ESR1: variants seen among roughly 807,000 people sequenced by gnomAD.
The protein encoded by ESR1 is estrogen receptor.
Under a neutral mutation model 52.7 loss-of-function variants are expected in ESR1, and 12 were observed. The ratio of observed to expected loss-of-function variants is 0.23; its 90% CI spans 0.15 to 0.37. The LOEUF is 0.37. ESR1 is among the 10% of genes least tolerant of loss of function. The pLI is 1.00. For synonymous variants in ESR1, 305 were observed against 316.8 expected (o/e 0.96, Z 0.39); for missense variants, 584 against 779.7 (o/e 0.75, Z 2.99).
chr6:151,748,566 A>G (rs929258625), intron 2 of ESR1, among the ~76,000 whole-genome samples: 1 of 152,160 alleles, frequency 6.6e-6, no homozygotes, highest in East Asian at 1.9e-4. Context: ...ATTGTTCTTG[A>G]GTACATTTGT....
At chr6:151,658,908 T>C (rs1777544127) in intron 1 of ESR1, among the ~76,000 whole-genome samples, 1 of 152,198 alleles carries the variant, frequency 6.6e-6, no homozygotes, top group African/African-American at 2.4e-5. Context: ...TCATATTGCA[T>C]GTGGGCATAG....
chr6:152,026,634 CTTTA>C (rs2128841887), intron 5 of ESR1, among the ~76,000 whole-genome samples: 1 of 151,576 alleles, frequency 6.6e-6, no homozygotes, highest in East Asian at 1.9e-4. Context: ...AAATTGTCTT[CTTTA>C]TTTACTATTT....
chr6:151,795,166 A>G (rs1458348776), intron 2 of ESR1, among the ~76,000 whole-genome samples: 2 of 152,068 alleles, frequency 1.3e-5, no homozygotes, highest in Non-Finnish European at 2.9e-5. Flanking sequence ...TCACACAACC[A>G]CTAGGAGGTA....
At chr6:151,673,898 C>T (rs1778163829) in intron 1 of ESR1, among the ~76,000 whole-genome samples, 1 of 152,130 alleles carries the variant, frequency 6.6e-6, no homozygotes, top group Admixed American at 6.5e-5. Flanking sequence ...AAAGGACACT[C>T]CATATCACTT....
At chr6:151,999,499 T>C (rs1562651439) in intron 4 of ESR1, among the ~76,000 whole-genome samples, 1 of 152,112 alleles carries the variant, frequency 6.6e-6, no homozygotes, top group Non-Finnish European at 1.5e-5. Context: ...ATAACAAGCA[T>C]TTCCAGTAGT....
At chr6:151,696,881 C>A (rs74873694) in intron 1 of ESR1, among the ~76,000 whole-genome samples, 1 of 152,050 alleles carries the variant, frequency 6.6e-6, no homozygotes, top group Non-Finnish European at 1.5e-5. Flanking sequence ...GGGTAGGAAG[C>A]GACTCTTGAC....
At chr6:152,077,558 A>G (rs1224417614) in intron 6 of ESR1, among the ~76,000 whole-genome samples, 2 of 152,118 alleles carry the variant, frequency 1.3e-5, no homozygotes, top group East Asian at 3.9e-4. Context: ...AGCCACAGAC[A>G]CTCAACGCCA....
At chr6:151,916,018 G>A (rs931258168) in intron 3 of ESR1, among the ~76,000 whole-genome samples, 6 of 152,200 alleles carry the variant, frequency 3.9e-5, no homozygotes, top group South Asian at 2.1e-4. Context: ...GCAATTGTAA[G>A]CAAAGGATCC....
intron 3 of ESR1, among the ~76,000 whole-genome samples, chr6:151,914,241 T>C (rs1798701197): frequency 7.1e-6 from 1 of 140,794 alleles, no homozygotes; most frequent in Admixed American, 7.4e-5. Flanking sequence ...TTTGTACTTG[T>C]GTCTACTTTT....
chr6:151,741,805 A>G (rs1783117674), intron 2 of ESR1, among the ~76,000 whole-genome samples: 1 of 152,228 alleles, frequency 6.6e-6, no homozygotes, highest in Non-Finnish European at 1.5e-5. Flanking sequence ...AAATCTACGC[A>G]TGGAGCAAAA....
chr6:151,813,610 C>T (rs1042686513), intron 1 of ESR1: 1 of 151,962 alleles, frequency 6.6e-6, no homozygotes, highest in African/African-American at 2.4e-5. Context: ...AATTGCTATA[C>T]AAAAAATTTA....
rs946200833 is a variant in ESR1, at chr6:152,098,157, G to C, written c.1554-575G>C. Among the ~76,000 whole-genome samples, 1 of 152,172 alleles carries C rather than the reference G, an allele frequency of 6.6e-6. No homozygotes were observed. Among genetic ancestry groups the C allele is most frequent in the Non-Finnish European group, 1.5e-5 (1 of 68,042 alleles). The stretch of plus-strand genomic sequence containing the variant: ...CAGTGTGGCTCCGGAGAGCACATTA[G>C]GGGAGAGAGGCAGGAAGAGCTTGGA... On this transcript the variant is annotated intron_variant, in intron 7 of 7. Coordinates refer to ENST00000206249, the MANE Select transcript of ESR1 (RefSeq NM_000125.4). This position sits in a 1 kb window ranked among gnomAD's most constrained non-coding sequence, Gnocchi z 5.1.
chr6:151,753,757 C>T (rs1784079328), intron 2 of ESR1, among the ~76,000 whole-genome samples: 1 of 152,162 alleles, frequency 6.6e-6, no homozygotes, highest in Non-Finnish European at 1.5e-5. Context: ...ATTTCTATAT[C>T]CTCCAGTTTC....
chr6:151,743,201 C>A (rs1374796089), intron 2 of ESR1, among the ~76,000 whole-genome samples: 2 of 151,992 alleles, frequency 1.3e-5, no homozygotes, highest in Non-Finnish European at 2.9e-5. Flanking sequence ...GGGGCTGACA[C>A]TGTTGGGAAG....
chr6:151,969,653 G>A (rs374428127), intron 4 of ESR1, among the ~76,000 whole-genome samples: 1 of 152,202 alleles, frequency 6.6e-6, no homozygotes, highest in Admixed American at 6.5e-5. Context: ...AGCAGGAAGC[G>A]CTTTTCCCTC....
intron 2 of ESR1, among the ~76,000 whole-genome samples, chr6:151,852,696 C>T (rs536337247): frequency 3.3e-5 from 4 of 121,184 alleles, no homozygotes; most frequent in South Asian, 2.6e-4. Context: ...GCCTCCTTTT[C>T]GGACCCAGAG....
intron 1 of ESR1, chr6:151,809,309 A>G (rs560375298): frequency 1.8e-5 from 6 of 332,654 alleles, no homozygotes; most frequent in Admixed American, 7.2e-5. Flanking sequence ...CCCTACAAGA[A>G]TTGTTCTTTC....
At chr6:151,657,056 A>G (rs1444974536) in intron 1 of ESR1, among the ~76,000 whole-genome samples, 3 of 152,234 alleles carry the variant, frequency 2.0e-5, no homozygotes, top group Admixed American at 1.3e-4. Flanking sequence ...AAGTTAGCCA[A>G]ACAACTTTTC....
intron 2 of ESR1, among the ~76,000 whole-genome samples, chr6:151,774,336 G>C (rs1246905195): frequency 2.6e-5 from 4 of 152,222 alleles, no homozygotes; most frequent in African/African-American, 4.8e-5. Context: ...GGGAACAAAT[G>C]GTTGTTTTGT....
Sources: allele counts gnomAD v4.1 joint callset (sites outside exome capture counted in the v4.1 genomes callset), GRCh38; gene constraint gnomAD v4.1.1; non-coding constraint Gnocchi (gnomAD v3.1); transcripts MANE v1.5; gene names NCBI Gene and HGNC (gene_info 2026-07-23, HGNC 2026-07-21).